Variants in EPB41L2 observed in about 807,000 individuals in gnomAD.
EPB41L2 encodes the protein band 4.1-like protein 2.
EPB41L2 carries 43 observed loss-of-function variants against 113.0 expected under a neutral mutation model. The observed-to-expected ratio is 0.38, with a 90% CI of 0.30 to 0.49. The LOEUF (loss-of-function observed/expected upper bound fraction) is 0.49. EPB41L2 is among the 20% of genes least tolerant of loss of function. The pLI is 0.95. For missense variants in EPB41L2, 1,147 were observed against 1,223.4 expected (o/e 0.94, Z 0.93); for synonymous variants, 442 against 436.7 (o/e 1.01, Z -0.15).
At chr6:130,920,737 A>T (rs4323333) in intron 4 of EPB41L2, among the ~76,000 whole-genome samples, 54,148 of 151,794 alleles carry the variant, frequency 0.36, 13,712 homozygotes, top group African/African-American at 0.71. Context: ...CTCAAATTCC[A>T]GGGCTCAACT....
intron 3 of EPB41L2, among the ~76,000 whole-genome samples, chr6:130,952,558 G>A (rs571238918): frequency 1.3e-5 from 2 of 152,242 alleles, no homozygotes; most frequent in Non-Finnish European, 2.9e-5. Flanking sequence ...CTAAAACACT[G>A]TAATCCCAGC....
intron 1 of EPB41L2, among the ~76,000 whole-genome samples, chr6:131,055,489 T>A (rs1245460779): frequency 6.6e-6 from 1 of 152,312 alleles, no homozygotes; most frequent in African/African-American, 2.4e-5. Flanking sequence ...TTCATAATCA[T>A]ACCTTTACAC....
chr6:131,055,329 G>GT (rs1306852658), intron 1 of EPB41L2, among the ~76,000 whole-genome samples: 2 of 152,108 alleles, frequency 1.3e-5, no homozygotes, highest in Non-Finnish European at 2.9e-5. Context: ...ATTCTGATGT[G>GT]TTTTATCCTC....
At chr6:130,891,473 G>A (rs1043443156) in intron 10 of EPB41L2, among the ~76,000 whole-genome samples, 1 of 147,272 alleles carries the variant, frequency 6.8e-6, no homozygotes, top group African/African-American at 2.6e-5. Context: ...TTTTGAGAAG[G>A]AGTCTCGCTC....
chr6:131,025,211 G>A (rs72987825), intron 1 of EPB41L2, among the ~76,000 whole-genome samples: 2,902 of 152,030 alleles, frequency 0.019, 46 homozygotes, highest in Non-Finnish European at 0.028. Flanking sequence ...TTTCCCCCCC[G>A]GTATGACTGG....
chr6:130,954,040 C>CTTTCTTTCTTTTTTTTT (rs1816373036), intron 3 of EPB41L2, among the ~76,000 whole-genome samples: 17 of 58,862 alleles, frequency 2.9e-4, no homozygotes, highest in South Asian at 9.2e-4. Flanking sequence ...CCTTTTCTTT[C>CTTTCTTTCTTTTTTTTT]TTTTTTTTTT....
intron 15 of EPB41L2, 81 bp from the exon 16 acceptor site, chr6:130,867,662 T>G: frequency 6.6e-7 from 1 of 1,503,902 alleles, no homozygotes; most frequent in African/African-American, 1.4e-5. Context: ...CAAATAATAG[T>G]AAGAAACATA....
intron 1 of EPB41L2, among the ~76,000 whole-genome samples, chr6:131,029,937 A>C (rs931532448): frequency 2.4e-4 from 36 of 150,284 alleles, no homozygotes; most frequent in African/African-American, 8.3e-4. Context: ...CCCAGCCTGC[A>C]CAATTGGATT....
chr6:130,955,850 A>G, intron 2 of EPB41L2, 144 bp downstream of exon 2: 2 of 1,385,838 alleles, frequency 1.4e-6, no homozygotes, highest in Non-Finnish European at 1.9e-6. Flanking sequence ...ATGGTAGACC[A>G]ATCTAAGACC....
chr6:131,016,226 A>C (rs1788162819), intron 1 of EPB41L2, among the ~76,000 whole-genome samples: 1 of 152,190 alleles, frequency 6.6e-6, no homozygotes, highest in Non-Finnish European at 1.5e-5. Context: ...TACCTTTTCC[A>C]GCAAAATTAT....
intron 1 of EPB41L2, among the ~76,000 whole-genome samples, chr6:130,961,718 G>A (rs897531808): frequency 5.3e-5 from 8 of 152,184 alleles, no homozygotes; most frequent in Non-Finnish European, 7.3e-5. Flanking sequence ...AACAGGGTAG[G>A]TGCTGCTGCC....
chr6:130,960,888 T>C (rs933100672), intron 1 of EPB41L2, among the ~76,000 whole-genome samples: 1 of 152,316 alleles, frequency 6.6e-6, no homozygotes, highest in Admixed American at 6.5e-5. Context: ...GAAAACTCCA[T>C]GAGGGCTGGG....
intron 19 of EPB41L2, among the ~76,000 whole-genome samples, chr6:130,856,491 T>C (rs1015736953): frequency 6.6e-6 from 1 of 152,222 alleles, no homozygotes; most frequent in Non-Finnish European, 1.5e-5. Flanking sequence ...TATGAAAATA[T>C]ATTAATGAAG....
At chr6:130,912,075 G>T (rs1348851072) in intron 4 of EPB41L2, among the ~76,000 whole-genome samples, 1 of 152,166 alleles carries the variant, frequency 6.6e-6, no homozygotes, top group Non-Finnish European at 1.5e-5. Flanking sequence ...CTGCACAAGA[G>T]AGGGATCTAG....
intron 13 of EPB41L2, chr6:130,878,483 T>A: frequency 2.3e-6 from 1 of 426,456 alleles, no homozygotes; most frequent in Non-Finnish European, 4.1e-6. Context: ...ATTTACATTT[T>A]AAAGGGTTCT....
Position 130,966,007 on chromosome 6 carries a change from C to G in EPB41L2, c.-14-9508G>C, listed in dbSNP as rs143143829. Among the ~76,000 whole-genome samples, 467 of 151,610 alleles carry G rather than the reference C, an allele frequency of 3.1e-3. 4 individuals carry two copies. The highest frequency in any genetic ancestry group is 0.01 in the African/African-American group (415 of 41,218). On this transcript the variant is annotated intron_variant, in intron 1 of 19. Coordinates refer to ENST00000337057, the MANE Select transcript of EPB41L2 (RefSeq NM_001431.4). The stretch of plus-strand genomic sequence containing the variant: ...TGTCTTGGGCCACACATAAAATACA[C>G]TAACAATAGCTGATGAGCTTTAAAA...
At chr6:130,959,905 T>A (rs371002613) in intron 1 of EPB41L2, among the ~76,000 whole-genome samples, 4 of 152,304 alleles carry the variant, frequency 2.6e-5, no homozygotes, top group African/African-American at 9.6e-5. Flanking sequence ...TGGGAACCAA[T>A]CAACTAAGGC....
intron 5 of EPB41L2, among the ~76,000 whole-genome samples, chr6:130,907,164 G>T (rs1445531473): frequency 6.6e-6 from 1 of 152,160 alleles, no homozygotes; most frequent in Non-Finnish European, 1.5e-5. Context: ...ATGTTTCAGA[G>T]GTTGCCCTGT....
chr6:130,969,443 C>A (rs9375786), intron 1 of EPB41L2, among the ~76,000 whole-genome samples: 121,985 of 152,130 alleles, frequency 0.8, 49,680 homozygotes, highest in East Asian at 1. Context: ...ATATAAAGAA[C>A]ACGCAAGAAG....
Sources: allele counts gnomAD v4.1 joint callset (sites outside exome capture counted in the v4.1 genomes callset), GRCh38; gene constraint gnomAD v4.1.1; transcripts MANE v1.5; gene names NCBI Gene and HGNC (gene_info 2026-07-23, HGNC 2026-07-21).